SPIRE2: variants seen among roughly 807,000 people sequenced by gnomAD.
SPIRE2 encodes protein spire homolog 2.
SPIRE2 carries 76 observed loss-of-function variants against 80.7 expected under a neutral mutation model. The observed-to-expected ratio is 0.94, with a 90% CI of 0.78 to 1.14. The LOEUF (loss-of-function observed/expected upper bound fraction) is 1.14. Ranked by LOEUF, SPIRE2 falls within the 50% of genes most tolerant of loss-of-function variation. The pLI is 0.00. For missense variants in SPIRE2, 1,196 were observed against 1,015.3 expected (o/e 1.18, Z -2.42); for synonymous variants, 535 against 432.6 (o/e 1.24, Z -2.94).
chr16:89,855,706 C>T lies in SPIRE2; in HGVS notation c.978+20C>T, dbSNP rs768921854. 1.2e-6 allele frequency: 2 copies of T among 1,611,446 alleles called. No individual in the cohort carries two copies. The highest frequency in any genetic ancestry group is 1.3e-5 in the African/African-American group (1 of 74,910). ...AAGCAGGTGCTGCCCCAGCCTCCTC[C>T]TCCTCAGGGGCCGCCCGGGGCCTGG... is the stretch of plus-strand genomic sequence containing the variant. On this transcript the variant is annotated intron_variant, in intron 6 of 14. Transcript: ENST00000378247.
chr16:89,839,587 C>G (rs2041484475), intron 1 of SPIRE2, among the ~76,000 whole-genome samples: 1 of 152,170 alleles, frequency 6.6e-6, no homozygotes. Context: ...AGCACTCAGC[C>G]TGAGACCTGG....
chr16:89,863,699 T>A lies in SPIRE2; in HGVS notation c.1710+89T>A, dbSNP rs908065709. 1.2e-6 allele frequency: 2 copies of A among 1,610,778 alleles called. No individual in the cohort carries two copies. The highest frequency in any genetic ancestry group is 8.5e-7 in the Non-Finnish European group (1 of 1,177,218). ...GCCAGTTCCCAGGACTGTTTGCTCA[T>A]GATCTGGTTGGGAGCCCTGAGGGGG... On this transcript the variant is annotated intron_variant, in intron 11 of 14. Transcript: ENST00000378247. This position sits in a 1 kb window ranked among gnomAD's most constrained non-coding sequence, Gnocchi z 4.3.
chr16:89,862,274 A>T (rs1190265544), intron 10 of SPIRE2: 5 of 151,584 alleles, frequency 3.3e-5, no homozygotes, highest in African/African-American at 1.2e-4. Context: ...AAGTGCTGGG[A>T]CCTGACCTCG....
In SPIRE2 at chr16:89,863,560, GAAA is replaced by G; in HGVS notation, c.1662_1664del (p.Lys555del). On this transcript the variant is annotated inframe_deletion, in exon 11 of 15. Transcript: ENST00000378247. This position sits in a 1 kb window ranked among gnomAD's most constrained non-coding sequence, Gnocchi z 4.3. ...CCGTGTGCTGGTGAAGGCCGAGATG[GAAA>G]AGTTTTTGCAGAACAAGGAGCTCTT... The G allele has an allele frequency of 6.2e-7, 1 of 1,614,106 alleles. No individual in the cohort carries two copies. The highest frequency in any genetic ancestry group is 1.1e-5 in the South Asian group (1 of 91,090).
At chr16:89,869,053 A>AAACAAACATATATATATGTAT in intron 13 of SPIRE2, among the ~76,000 whole-genome samples, 1 of 24,036 alleles carries the variant, frequency 4.2e-5, no homozygotes, top group African/African-American at 1.6e-4. Context: ...AAAAAAAAAA[A>AAACAAACATATATATATGTAT]ATATATATAT....
intron 1 of SPIRE2, among the ~76,000 whole-genome samples, chr16:89,838,982 G>A (rs543887510): frequency 2.0e-5 from 3 of 150,700 alleles, no homozygotes; most frequent in African/African-American, 4.9e-5. Flanking sequence ...TATCTGCCTC[G>A]GCCTCCCAAA....
intron 1 of SPIRE2, chr16:89,836,526 T>C (rs887018913): frequency 1.8e-5 from 5 of 274,186 alleles, no homozygotes; most frequent in South Asian, 7.3e-5. Flanking sequence ...CCCTAAATAC[T>C]TCAGCCTGTG....
Position 89,844,843 on chromosome 16 carries a change from A to T in SPIRE2, c.245-479A>T, listed in dbSNP as rs2041542244. 2.0e-5 allele frequency among the ~76,000 whole-genome samples: 3 copies of T among 152,112 alleles called. No individual in the cohort carries two copies. In the East Asian group the frequency reaches 5.8e-4, roughly 29 times the overall value. ...AGCAGCTCTCCCACCTCGGCATCTC[A>T]AAGTGCTGGGATTATAGGTGTGAGC... On this transcript the variant is annotated intron_variant, in intron 1 of 14. Transcript: ENST00000378247.
chr16:89,845,592 C>T (rs62056069), intron 2 of SPIRE2: 48,808 of 702,672 alleles, frequency 0.069, 2,396 homozygotes, highest in East Asian at 0.16. Flanking sequence ...TGCTTCCGGC[C>T]TGGAGGAGGC....
rs532528803 is a variant in SPIRE2, at chr16:89,831,064, C to T, written c.244+2270C>T. On this transcript the variant is annotated intron_variant, in intron 1 of 14. Coordinates refer to ENST00000378247, the MANE Select transcript of SPIRE2 (RefSeq NM_032451.2). ...AGCTGGGACTACAGGCGCCCGCCAC[C>T]ACGCCCGGCTAATTTTTTGTATTTT... is the stretch of plus-strand genomic sequence containing the variant. Among the ~76,000 whole-genome samples, 107 of 150,686 alleles carry T rather than the reference C, an allele frequency of 7.1e-4. 2 individuals carry two copies. The highest frequency in any genetic ancestry group is 2.5e-3 in the African/African-American group (104 of 41,360).
At position 89,864,971 on chromosome 16, in the gene SPIRE2, GGA is replaced by G. The variant is rs557733813; in HGVS notation, c.1778+1114_1778+1115del. 4.6e-5 allele frequency among the ~76,000 whole-genome samples: 7 copies of G among 152,106 alleles called. No individual in the cohort carries two copies. In the South Asian group the frequency reaches 1.0e-3, roughly 23 times the overall value. On this transcript the variant is annotated intron_variant, in intron 12 of 14. Transcript: ENST00000378247. ...TAACAGCAGTTAGCATGAAGGTCAGGGAGAGGGGAAAATTGGAAGTATACTTT... is the reference window on the plus strand; with the variant it reads ...TAACAGCAGTTAGCATGAAGGTCAGGGAGGGGAAAATTGGAAGTATACTTT...
intron 10 of SPIRE2, 66 bp downstream of exon 10, chr16:89,860,861 G>T (rs910451268): frequency 2.9e-6 from 3 of 1,031,888 alleles, no homozygotes; most frequent in Non-Finnish European, 1.4e-6. Context: ...CCTTCCCGCC[G>T]CCAGCCAGGT....
chr16:89,851,129 T>C (rs7190341), intron 3 of SPIRE2, among the ~76,000 whole-genome samples: 106,851 of 152,072 alleles, frequency 0.7, 38,282 homozygotes, highest in East Asian at 0.99. Context: ...CCTCACACTT[T>C]CTTCTTACCA....
Position 89,856,242 on chromosome 16 carries a change from T to G in SPIRE2, c.1102+6T>G, listed in dbSNP as rs1447091487. 1.3e-6 allele frequency: 2 copies of G among 1,563,762 alleles called. No individual in the cohort carries two copies. Among genetic ancestry groups the G allele is most frequent in the Non-Finnish European group, 1.7e-6 (2 of 1,155,106 alleles). ...CGAGGGCTGGGCTGCCCGCGGTGAGTGAGGGGATGGCAGGAGAAGAGAGCC... is the reference window on the plus strand; with the variant it reads ...CGAGGGCTGGGCTGCCCGCGGTGAGGGAGGGGATGGCAGGAGAAGAGAGCC... On this transcript the variant is annotated splice_donor_region_variant and intron_variant, in intron 7 of 14. Transcript: ENST00000378247.
rs543352266 is a variant in SPIRE2, at chr16:89,856,144, C to T, written c.1010C>T (p.Pro337Leu). The change falls in exon 7 of 15, where the codon CCA becomes CTA. Residue 337 changes from proline (P) to leucine (L), a missense_variant. Coordinates refer to ENST00000378247, the MANE Select transcript of SPIRE2 (RefSeq NM_032451.2). ...VSERRLRPLP[P>L]KQRSLHEKIL... Reference sequence around the variant, plus strand: ...GAGAGGCGGCTGCGCCCGTTGCCACCAAAGCAAAGGTCCCTGCATGAGAAG... The same window carrying T: ...GAGAGGCGGCTGCGCCCGTTGCCACTAAAGCAAAGGTCCCTGCATGAGAAG... 1.8e-4 allele frequency: 286 copies of T among 1,611,586 alleles called. 4 individuals carry two copies. The Admixed American group carries it at 4.7e-3, about 26-fold the overall frequency.
intron 12 of SPIRE2, among the ~76,000 whole-genome samples, chr16:89,865,838 G>T (rs1424959401): frequency 6.6e-6 from 1 of 151,712 alleles, no homozygotes; most frequent in African/African-American, 2.4e-5. Flanking sequence ...CGTGGTGGCG[G>T]GTGCCTGTAG....
chr16:89,858,598 C>T, intron 8 of SPIRE2, 91 bp downstream of exon 8: 1 of 1,299,120 alleles, frequency 7.7e-7, no homozygotes, highest in Non-Finnish European at 1.0e-6. Context: ...CCGGGGGCAG[C>T]AGCAATTGCG....
intron 2 of SPIRE2, chr16:89,850,072 G>T: frequency 1.5e-6 from 1 of 655,630 alleles, no homozygotes; most frequent in Non-Finnish European, 2.8e-6. Flanking sequence ...TCCTGACCTC[G>T]TGATCCGCCC....
intron 1 of SPIRE2, among the ~76,000 whole-genome samples, chr16:89,841,473 G>A (rs572791148): frequency 6.6e-5 from 10 of 152,222 alleles, no homozygotes; most frequent in African/African-American, 1.9e-4. Context: ...CTGTGGCCAC[G>A]TTGGTGACGT....
Sources: gnomAD v4.1 joint callset for allele counts (sites outside exome capture counted in the v4.1 genomes callset) on GRCh38, gnomAD v4.1.1 for gene constraint, Gnocchi (gnomAD v3.1) non-coding constraint, MANE v1.5 for transcripts, NCBI Gene and HGNC (gene_info 2026-07-23, HGNC 2026-07-21) for gene names.